DOCK3: variants seen among roughly 807,000 people sequenced by gnomAD.
DOCK3 encodes dedicator of cytokinesis protein 3.
In DOCK3, 60 loss-of-function variants were observed where a neutral mutation model predicts 265.6. That is an observed-to-expected ratio of 0.23 (90% CI 0.18 to 0.28). DOCK3 has a LOEUF of 0.28. DOCK3 is among the 10% of genes least tolerant of loss of function. The pLI is 1.00. For synonymous variants in DOCK3, 881 were observed against 938.0 expected, an observed-to-expected ratio of 0.94 and a Z score of 1.11; for missense variants, 1,981 against 2,594.3, an observed-to-expected ratio of 0.76 and a Z score of 5.14.
At chr3:51,014,090 A>G (rs1017530121) in intron 5 of DOCK3, among the ~76,000 whole-genome samples, 2 of 152,106 alleles carry the variant, frequency 1.3e-5, no homozygotes, top group Non-Finnish European at 2.9e-5. Flanking sequence ...CTTGGCTAGG[A>G]AAGGGGAATC....
At chr3:51,333,489 C>G (rs1335710418) in intron 35 of DOCK3, among the ~76,000 whole-genome samples, 1 of 152,164 alleles carries the variant, frequency 6.6e-6, no homozygotes, top group Non-Finnish European at 1.5e-5. Context: ...CACATGTACC[C>G]TGGAGGGATC....
chr3:50,723,705 A>T (rs1207469250), intron 1 of DOCK3, among the ~76,000 whole-genome samples: 1 of 152,238 alleles, frequency 6.6e-6, no homozygotes, highest in African/African-American at 2.4e-5. Flanking sequence ...CTCAAGATGG[A>T]TTAAGGACTT....
intron 22 of DOCK3, among the ~76,000 whole-genome samples, chr3:51,256,194 C>A (rs529161713): frequency 2.0e-5 from 3 of 152,328 alleles, no homozygotes; most frequent in Admixed American, 2.0e-4. Context: ...ATGCAGAAAT[C>A]ACCTGTCTTC....
intron 1 of DOCK3, among the ~76,000 whole-genome samples, chr3:50,696,301 C>T (rs1162651964): frequency 6.6e-6 from 1 of 152,068 alleles, no homozygotes; most frequent in Admixed American, 6.5e-5. Flanking sequence ...GATTGACAGC[C>T]CCACTGAAAT....
intron 4 of DOCK3, among the ~76,000 whole-genome samples, chr3:50,920,881 C>A (rs1256614387): frequency 6.6e-6 from 1 of 152,102 alleles, no homozygotes; most frequent in Non-Finnish European, 1.5e-5. Flanking sequence ...CTCTTGTGGG[C>A]ATTTAGTGCT....
intron 2 of DOCK3, among the ~76,000 whole-genome samples, chr3:50,783,242 G>A (rs1330266338): frequency 1.3e-5 from 2 of 152,006 alleles, no homozygotes; most frequent in East Asian, 3.8e-4. Context: ...TGTTCTTTAA[G>A]GAATCTCCAC....
chr3:51,032,794 C>A (rs1411746544), intron 5 of DOCK3, among the ~76,000 whole-genome samples: 1 of 152,070 alleles, frequency 6.6e-6, no homozygotes, highest in Non-Finnish European at 1.5e-5. Context: ...GTCCTATAGT[C>A]CCAAGTACTT....
intron 23 of DOCK3, among the ~76,000 whole-genome samples, chr3:51,261,273 A>G (rs1211967204): frequency 6.6e-6 from 1 of 151,934 alleles, no homozygotes. Flanking sequence ...GGCAAGCAGA[A>G]GGAGGGTGGG....
intron 1 of DOCK3, among the ~76,000 whole-genome samples, chr3:50,678,214 G>C (rs1002904585): frequency 3.3e-5 from 5 of 151,940 alleles, no homozygotes; most frequent in African/African-American, 9.7e-5. Context: ...CCGTTCGCCC[G>C]TGTTTTGACT....
intron 22 of DOCK3, among the ~76,000 whole-genome samples, chr3:51,248,232 A>T (rs1049961594): frequency 9.9e-5 from 15 of 152,248 alleles, no homozygotes; most frequent in African/African-American, 3.6e-4. Context: ...ACATTGGCTT[A>T]CAAAGTCAGT....
At chr3:51,115,303 T>C (rs1160683462) in intron 9 of DOCK3, among the ~76,000 whole-genome samples, 3 of 152,160 alleles carry the variant, frequency 2.0e-5, no homozygotes, top group Non-Finnish European at 4.4e-5. Context: ...CTCTCAAGCA[T>C]CTGTTGTTTC....
intron 3 of DOCK3, among the ~76,000 whole-genome samples, chr3:50,875,092 A>G (rs2047637969): frequency 6.6e-6 from 1 of 152,152 alleles, no homozygotes; most frequent in African/African-American, 2.4e-5. Flanking sequence ...ACAAATACCT[A>G]AAGCATGCGG....
intron 4 of DOCK3, chr3:50,901,626 G>A (rs774950742): frequency 1.8e-5 from 8 of 453,816 alleles, no homozygotes; most frequent in Non-Finnish European, 3.5e-5. Context: ...ATCTCCTGGT[G>A]TGTGGATTGC....
intron 1 of DOCK3, among the ~76,000 whole-genome samples, chr3:50,736,736 G>A (rs141661475): frequency 0.021 from 3,025 of 140,810 alleles, 118 homozygotes; most frequent in African/African-American, 0.076. Context: ...TCATTCTGTC[G>A]CCCAGGCTGG....
chr3:50,985,041 A>C (rs537252492), intron 5 of DOCK3, among the ~76,000 whole-genome samples: 9 of 152,368 alleles, frequency 5.9e-5, no homozygotes, highest in African/African-American at 2.2e-4. Flanking sequence ...CTGTGTACCC[A>C]TGTAAATACA....
intron 1 of DOCK3, among the ~76,000 whole-genome samples, chr3:50,734,666 G>A (rs1443030815): frequency 6.8e-6 from 1 of 147,194 alleles, no homozygotes; most frequent in African/African-American, 2.5e-5. Flanking sequence ...GCAGTGGTGT[G>A]ATCTCGGCTC....
At chr3:51,027,005 T>C (rs919282809) in intron 5 of DOCK3, among the ~76,000 whole-genome samples, 1 of 152,092 alleles carries the variant, frequency 6.6e-6, no homozygotes, top group Admixed American at 6.5e-5. Context: ...GCTAGATTTT[T>C]ATTTAGTTAT....
chr3:51,271,318 C>T (rs1178236555), intron 24 of DOCK3, among the ~76,000 whole-genome samples: 10 of 152,182 alleles, frequency 6.6e-5, no homozygotes, highest in Non-Finnish European at 1.5e-4. Context: ...AGCAAACTTT[C>T]TCATAGTTCT....
chr3:51,323,053 C>T (rs541694055), intron 32 of DOCK3, among the ~76,000 whole-genome samples: 10 of 151,638 alleles, frequency 6.6e-5, no homozygotes, highest in Non-Finnish European at 1.5e-4. Flanking sequence ...AGACAAAGAA[C>T]TGCATTACAT....
Sources: gnomAD v4.1 joint callset for allele counts (sites outside exome capture counted in the v4.1 genomes callset) on GRCh38, gnomAD v4.1.1 for gene constraint, MANE v1.5 for transcripts, NCBI Gene and HGNC (gene_info 2026-07-23, HGNC 2026-07-21) for gene names.